Variants in PDZRN3 observed in about 807,000 individuals in gnomAD.
PDZRN3 encodes PDZ domain containing ring finger 3.
PDZRN3 carries 38 observed loss-of-function variants against 85.7 expected under a neutral mutation model. That is an observed-to-expected ratio of 0.44 (90% CI 0.34 to 0.58). The LOEUF (loss-of-function observed/expected upper bound fraction) is 0.58. PDZRN3 is among the 20% of genes least tolerant of loss of function. The probability of loss-of-function intolerance (pLI) is 0.01; values close to 1 mark genes in which losing one functional copy is unlikely to be tolerated. For synonymous variants in PDZRN3, 759 were observed against 638.0 expected (o/e 1.19, Z -2.86); for missense variants, 1,629 against 1,506.4 (o/e 1.08, Z -1.35).
intron 3 of PDZRN3, among the ~76,000 whole-genome samples, chr3:73,550,998 G>T (rs959150415): frequency 6.6e-6 from 1 of 152,176 alleles, no homozygotes; most frequent in African/African-American, 2.4e-5. Context: ...GCAGAATAAC[G>T]CTGGATGCTT....
At chr3:73,423,489 A>T (rs556349820) in intron 3 of PDZRN3, among the ~76,000 whole-genome samples, 82 of 152,338 alleles carry the variant, frequency 5.4e-4, no homozygotes, top group African/African-American at 1.9e-3. Context: ...TGTTTGCCGT[A>T]TTTGGTTCAT....
intron 3 of PDZRN3, among the ~76,000 whole-genome samples, chr3:73,446,811 A>G (rs1702756663): frequency 6.6e-6 from 1 of 151,968 alleles, no homozygotes; most frequent in Non-Finnish European, 1.5e-5. Context: ...CTTCTTTAAA[A>G]TACTGAATCC....
At chr3:73,557,542 A>G (rs983732827) in intron 3 of PDZRN3, among the ~76,000 whole-genome samples, 1 of 152,230 alleles carries the variant, frequency 6.6e-6, no homozygotes, top group South Asian at 2.1e-4. Flanking sequence ...GCCTCATATT[A>G]CAAACTATGT....
At chr3:73,530,684 T>G (rs963190656) in intron 3 of PDZRN3, among the ~76,000 whole-genome samples, 1 of 152,054 alleles carries the variant, frequency 6.6e-6, no homozygotes, top group African/African-American at 2.4e-5. Context: ...AAACCAGAAA[T>G]TTTGGATTTA....
chr3:73,402,940 GCTTT>G (rs1403815315), intron 4 of PDZRN3, among the ~76,000 whole-genome samples: 1 of 108,402 alleles, frequency 9.2e-6, no homozygotes, highest in Non-Finnish European at 1.7e-5. Context: ...CACATGAAAA[GCTTT>G]TTTTTTTTTT....
chr3:73,403,293 C>A (rs1701791264), intron 4 of PDZRN3, among the ~76,000 whole-genome samples: 1 of 152,156 alleles, frequency 6.6e-6, no homozygotes, highest in African/African-American at 2.4e-5. Flanking sequence ...CCTTGGGGGC[C>A]AGCAGTCTAT....
At chr3:73,512,152 T>C (rs769451902) in intron 3 of PDZRN3, among the ~76,000 whole-genome samples, 19 of 152,254 alleles carry the variant, frequency 1.2e-4, no homozygotes, top group Admixed American at 9.8e-4. Context: ...GTGCTTTCAG[T>C]TGCTCTGGCA....
At chr3:73,454,659 C>A (rs1029044251) in intron 3 of PDZRN3, among the ~76,000 whole-genome samples, 4 of 151,976 alleles carry the variant, frequency 2.6e-5, no homozygotes, top group Admixed American at 2.0e-4. Context: ...ACCAAGGAGG[C>A]CAAGAATAAT....
chr3:73,491,943 A>T (rs1447971560), intron 3 of PDZRN3, among the ~76,000 whole-genome samples: 1 of 150,340 alleles, frequency 6.7e-6, no homozygotes, highest in Non-Finnish European at 1.5e-5. Context: ...CACACGTCTC[A>T]GGGTACTCCA....
intron 3 of PDZRN3, among the ~76,000 whole-genome samples, chr3:73,439,424 T>G (rs1306239604): frequency 6.6e-6 from 1 of 152,210 alleles, no homozygotes; most frequent in African/African-American, 2.4e-5. Context: ...ATACTATGCA[T>G]GGCTAGAGAG....
At chr3:73,523,061 C>T (rs929784632) in intron 3 of PDZRN3, among the ~76,000 whole-genome samples, 14 of 152,230 alleles carry the variant, frequency 9.2e-5, no homozygotes, top group East Asian at 1.9e-4. Context: ...CTCGCTCTGT[C>T]GCCCAGGCTG....
rs749989249 is a variant in PDZRN3 at position 73,383,410 on chromosome 3, G to A, written c.3156C>T (p.Asp1052=). 2 of 1,613,818 alleles carry A rather than the reference G, an allele frequency of 1.2e-6. No individual in the cohort carries two copies. The highest frequency in any genetic ancestry group is 1.7e-6 in the Non-Finnish European group (2 of 1,179,768). ...ELLTHGTKSP[D]GTRVYNSFLS... ...GGAAGGAATTGTATACTCTAGTGCC[G>A]TCCGGGGATTTTGTGCCGTGGGTTA... The change falls in exon 10 of 10, where the codon GAC becomes GAT. Residue 1052 remains aspartate (D), a synonymous_variant. Coordinates refer to ENST00000263666, the MANE Select transcript of PDZRN3 (RefSeq NM_015009.3).
chr3:73,413,851 C>T (rs1386241114), intron 3 of PDZRN3, among the ~76,000 whole-genome samples: 2 of 152,230 alleles, frequency 1.3e-5, no homozygotes, highest in East Asian at 1.9e-4. Flanking sequence ...AGGGCACGTG[C>T]GCTTTACCCT....
chr3:73,462,739 T>C (rs1468923484), intron 3 of PDZRN3, among the ~76,000 whole-genome samples: 2 of 152,164 alleles, frequency 1.3e-5, no homozygotes, highest in Admixed American at 6.5e-5. Flanking sequence ...ATTCTGTCAC[T>C]TAACAACAGC....
intron 3 of PDZRN3, among the ~76,000 whole-genome samples, chr3:73,439,046 C>T (rs912916621): frequency 2.6e-5 from 4 of 152,238 alleles, no homozygotes; most frequent in South Asian, 4.1e-4. Context: ...GTGCCCTGCA[C>T]ACTTTCCCAG....
chr3:73,597,346 G>A (rs954789796), intron 3 of PDZRN3, among the ~76,000 whole-genome samples: 8 of 152,072 alleles, frequency 5.3e-5, no homozygotes, highest in African/African-American at 1.4e-4. Flanking sequence ...GAGAATGACC[G>A]GTTTACACAA....
intron 3 of PDZRN3, among the ~76,000 whole-genome samples, chr3:73,420,351 C>T (rs1702174334): frequency 6.6e-6 from 1 of 152,196 alleles, no homozygotes; most frequent in South Asian, 2.1e-4. Context: ...ATGTTTTCCT[C>T]CATCTAAGAC....
chr3:73,411,369 T>C (rs1042179383), intron 3 of PDZRN3, among the ~76,000 whole-genome samples: 2 of 152,184 alleles, frequency 1.3e-5, no homozygotes, highest in South Asian at 2.1e-4. Context: ...ACATGCAAAG[T>C]GGCTTTTCTT....
chr3:73,550,841 G>A (rs562100839), intron 3 of PDZRN3, among the ~76,000 whole-genome samples: 1 of 152,332 alleles, frequency 6.6e-6, no homozygotes, highest in East Asian at 1.9e-4. Context: ...TCAGGAATCA[G>A]CAGATTTGTT....
Sources: gnomAD v4.1 joint callset for allele counts (sites outside exome capture counted in the v4.1 genomes callset) on GRCh38, gnomAD v4.1.1 for gene constraint, MANE v1.5 for transcripts, NCBI Gene and HGNC (gene_info 2026-07-23, HGNC 2026-07-21) for gene names.